The following LARGE1 variants were observed in gnomAD, a reference collection of about 807,000 sequenced individuals.
LARGE1 encodes xylosyl- and glucuronyltransferase LARGE1.
Under a neutral mutation model 87.6 loss-of-function variants are expected in LARGE1, and 43 were observed. The observed-to-expected ratio is 0.49, with a 90% CI of 0.38 to 0.63. The LOEUF is 0.63. Among genes scored for constraint, LARGE1 ranks in the 30% least tolerant of loss-of-function variants. The pLI is 0.00. For synonymous variants in LARGE1, 434 were observed against 394.6 expected (o/e 1.10, Z -1.18); for missense variants, 802 against 1,000.2 (o/e 0.80, Z 2.67).
At chr22:33,798,739 A>C (rs2086065861) in intron 1 of LARGE1, among the ~76,000 whole-genome samples, 1 of 152,192 alleles carries the variant, frequency 6.6e-6, no homozygotes, top group Non-Finnish European at 1.5e-5. Context: ...TGCACAAAGA[A>C]AAACTGGCAC....
chr22:33,101,580 G>A, the LARGE1 span, among the ~76,000 whole-genome samples: 2 of 152,182 alleles, frequency 1.3e-5, no homozygotes, highest in Non-Finnish European at 2.9e-5. Flanking sequence ...CCAGATGTCT[G>A]GCATTGGCGT....
At chr22:33,689,570 T>A (rs899501661) in intron 2 of LARGE1, among the ~76,000 whole-genome samples, 5 of 151,612 alleles carry the variant, frequency 3.3e-5, no homozygotes, top group African/African-American at 1.2e-4. Context: ...AAAGTAGAAA[T>A]GACAGAAAGA....
At chr22:33,317,841 C>T (rs950938166) in intron 10 of LARGE1, among the ~76,000 whole-genome samples, 5 of 152,044 alleles carry the variant, frequency 3.3e-5, no homozygotes, top group African/African-American at 1.2e-4. Flanking sequence ...TGGGAAGAGG[C>T]AAGAGAGGGC....
chr22:33,457,293 CTTTTTTTTTTTTTTTT>C (rs759460321), intron 6 of LARGE1, among the ~76,000 whole-genome samples: 13 of 74,922 alleles, frequency 1.7e-4, no homozygotes, highest in African/African-American at 5.0e-4. Flanking sequence ...ACGCCTGGCT[CTTTTTTTTTTTTTTTT>C]TTTTTTTTTT....
chr22:33,553,331 C>A (rs1303303566), intron 6 of LARGE1, among the ~76,000 whole-genome samples: 1 of 150,020 alleles, frequency 6.7e-6, no homozygotes, highest in East Asian at 2.0e-4. Context: ...CAAAGTGAGA[C>A]CCTGTGTCTG....
chr22:33,180,396 G>A (rs895479195), intron 11 of LARGE1, among the ~76,000 whole-genome samples: 9 of 152,188 alleles, frequency 5.9e-5, no homozygotes, highest in Admixed American at 4.6e-4. Flanking sequence ...CACAAGAATG[G>A]TTATGATTTT....
At chr22:33,360,877 C>A (rs754145254) in intron 9 of LARGE1, among the ~76,000 whole-genome samples, 1 of 149,926 alleles carries the variant, frequency 6.7e-6, no homozygotes, top group African/African-American at 2.5e-5. Context: ...GCTCTCCTGT[C>A]CAGCCTGCTG....
At chr22:33,586,995 A>T (rs939796628) in intron 5 of LARGE1, among the ~76,000 whole-genome samples, 2 of 152,234 alleles carry the variant, frequency 1.3e-5, no homozygotes, top group African/African-American at 2.4e-5. Context: ...AACTACACAG[A>T]CATCTTTAAA....
intron 2 of LARGE1, chr22:33,727,449 A>G (rs2083304985): frequency 6.6e-6 from 1 of 152,212 alleles, no homozygotes; most frequent in East Asian, 1.9e-4. Context: ...AAATAAAGTA[A>G]AAGAGTGTAT....
chr22:33,810,018 C>T (rs906100577), intron 1 of LARGE1, among the ~76,000 whole-genome samples: 1 of 152,136 alleles, frequency 6.6e-6, no homozygotes, highest in Non-Finnish European at 1.5e-5. Flanking sequence ...TGCTACCACC[C>T]AGGAGAGCAC....
At chr22:33,913,609 T>C (rs973697748) in intron 1 of LARGE1, among the ~76,000 whole-genome samples, 7 of 152,180 alleles carry the variant, frequency 4.6e-5, no homozygotes, top group African/African-American at 1.4e-4. Context: ...AGTGGCGGCA[T>C]CTCAACTCAC....
At chr22:33,244,228 C>T (rs966410020) in intron 11 of LARGE1, among the ~76,000 whole-genome samples, 1 of 152,156 alleles carries the variant, frequency 6.6e-6, no homozygotes, top group South Asian at 2.1e-4. Context: ...ATCTCCTGAC[C>T]TCGTGATCCG....
chr22:33,206,613 C>T (rs528398179), intron 11 of LARGE1, among the ~76,000 whole-genome samples: 3 of 152,266 alleles, frequency 2.0e-5, no homozygotes, highest in African/African-American at 7.2e-5. Flanking sequence ...GCTGGCATGC[C>T]TGCAGCCAGA....
At chr22:33,916,631 G>A (rs1381989640) in intron 1 of LARGE1, among the ~76,000 whole-genome samples, 1 of 152,106 alleles carries the variant, frequency 6.6e-6, no homozygotes, top group Non-Finnish European at 1.5e-5. Context: ...AGGGTGTCTA[G>A]AGCTCTCAGC....
At chr22:33,915,247 C>T (rs1387072399) in intron 1 of LARGE1, among the ~76,000 whole-genome samples, 3 of 152,166 alleles carry the variant, frequency 2.0e-5, no homozygotes, top group Non-Finnish European at 2.9e-5. Context: ...AAGAAACACA[C>T]ATATGCACAC....
At chr22:33,697,297 A>AGC (rs2082279850) in intron 2 of LARGE1, among the ~76,000 whole-genome samples, 2 of 152,142 alleles carry the variant, frequency 1.3e-5, no homozygotes, top group South Asian at 4.1e-4. Flanking sequence ...TCCGTAAGGG[A>AGC]GCAGCCACCC....
At position 33,337,675 on chromosome 22, in the gene LARGE1, G is replaced by T. The variant is rs1938630256; in HGVS notation, c.1258C>A (p.Pro420Thr). 2 of 1,614,120 alleles carry T rather than the reference G, an allele frequency of 1.2e-6. No homozygotes were observed. The highest frequency in any genetic ancestry group is 1.7e-6 in the Non-Finnish European group (2 of 1,180,036). ...NLLRRELFGC[P>T]SEADVNSENL... ...TCACTGTTGACATCAGCCTCACTGGGGCAGCCAAACAGTTCCCGCCTCAGA... is the reference window on the plus strand; with the variant it reads ...TCACTGTTGACATCAGCCTCACTGGTGCAGCCAAACAGTTCCCGCCTCAGA... Residue 420 changes from proline (P) to threonine (T), a missense_variant, in exon 10 of 15, where the codon CCC (proline) becomes ACC (threonine). By Grantham distance (38) the Pro-to-Thr change is conservative. Around this residue, in one of 2 missense-constraint regions of LARGE1, gnomAD observed 625 missense variants for 841.9 expected, o/e 0.74. Transcript: ENST00000397394.
intron 6 of LARGE1, among the ~76,000 whole-genome samples, chr22:33,496,200 G>A (rs2070109689): frequency 6.6e-6 from 1 of 152,036 alleles, no homozygotes; most frequent in Non-Finnish European, 1.5e-5. Flanking sequence ...CTTTTATTCC[G>A]GCCGTGCTGG....
chr22:33,076,558 T>C, the LARGE1 span, among the ~76,000 whole-genome samples: 1 of 152,352 alleles, frequency 6.6e-6, no homozygotes, highest in Non-Finnish European at 1.5e-5. Flanking sequence ...AGATTTATTC[T>C]GTCAATGGGA....
Sources: allele counts gnomAD v4.1 joint callset (sites outside exome capture counted in the v4.1 genomes callset), GRCh38; gene constraint gnomAD v4.1.1; regional missense constraint gnomAD v4.1.1; transcripts MANE v1.5; gene names NCBI Gene and HGNC (gene_info 2026-07-23, HGNC 2026-07-21).